Variants in NASP observed in about 807,000 individuals in gnomAD.
NASP encodes nuclear autoantigenic sperm protein.
In NASP, 24 loss-of-function variants were observed where a neutral mutation model predicts 89.5. The observed-to-expected ratio is 0.27, with a 90% CI of 0.19 to 0.38. NASP has a LOEUF of 0.38. Ranked by LOEUF, NASP falls within the 10% of genes least tolerant of loss-of-function variation. NASP has a pLI of 1.00. For synonymous variants in NASP, 306 were observed against 324.7 expected, an observed-to-expected ratio of 0.94 and a Z score of 0.62; for missense variants, 848 against 921.4, an observed-to-expected ratio of 0.92 and a Z score of 1.03.
rs1557647876 is a variant in NASP, at chr1:45,587,686, AT to A, written c.59+3482del. ...CATATATATATATATATATATATAT[AT>A]AATTAATTTTTTGGAGAGAGAGTCT... On this transcript the variant is annotated intron_variant, in intron 1 of 14. Coordinates refer to ENST00000350030, the MANE Select transcript of NASP (RefSeq NM_002482.4). 4.2e-3 allele frequency among the ~76,000 whole-genome samples: 462 copies of A among 111,212 alleles called. 50 individuals carry two copies. The highest frequency in any genetic ancestry group is 0.013 in the African/African-American group (368 of 27,930). The allele number at this position is 111,212 out of a possible 152,430, so 73.0% of individuals were successfully genotyped here.
intron 12 of NASP, 81 bp from the exon 13 acceptor site, chr1:45,616,545 T>G: frequency 1.9e-6 from 3 of 1,546,666 alleles, no homozygotes; most frequent in Non-Finnish European, 2.7e-6. Flanking sequence ...ACCTTGTCTC[T>G]GAAAAACTAA....
chr1:45,603,766 C>T (rs1270769149), intron 3 of NASP, among the ~76,000 whole-genome samples: 6 of 152,132 alleles, frequency 3.9e-5, no homozygotes, highest in Middle Eastern at 3.4e-3. Flanking sequence ...TGCATCACCA[C>T]GCCTGCCTAA....
chr1:45,615,808 A>G lies in NASP; in HGVS notation c.2022+337A>G, dbSNP rs550348283. On this transcript the variant is annotated intron_variant, in intron 11 of 14. Transcript: ENST00000350030. ...TTTTGGATTTTGGAATATTTGCATC[A>G]TACTCAACAGTTGGATACCCTTAAT... The G allele has an allele frequency of 8.3e-4, 197 of 237,024 alleles. 7 individuals are homozygous for G. The South Asian group carries it at 0.015, about 18-fold the overall frequency. The allele number at this position is 237,024 out of a possible 1,614,324, so 14.7% of individuals were successfully genotyped here. A position where few individuals can be genotyped will look rare whatever the true frequency, so the allele number is the denominator to read the frequency against.
Position 45,618,082 on chromosome 1 carries a change from C to CG in NASP, c.2311dup (p.Ala771GlyfsTer14). The CG allele has an allele frequency of 6.2e-7, 1 of 1,602,720 alleles. No individual in the cohort carries two copies. The highest frequency in any genetic ancestry group is 1.7e-5 in the Admixed American group (1 of 58,622). ...CCAGGCTGAGAATCAGGCTGAAAGC[C>CG]GGGCAGCAGTGGAGGGGACAGTGGA... On this transcript the variant is annotated frameshift_variant, in exon 15 of 15. Coordinates refer to ENST00000350030, the MANE Select transcript of NASP (RefSeq NM_002482.4). LOFTEE classifies it high-confidence loss of function.
At chr1:45,584,787 T>C (rs1320297219) in intron 1 of NASP, among the ~76,000 whole-genome samples, 1 of 152,142 alleles carries the variant, frequency 6.6e-6, no homozygotes, top group Non-Finnish European at 1.5e-5. Context: ...AACTCCATTG[T>C]TTGGGGCCGC....
intron 1 of NASP, among the ~76,000 whole-genome samples, chr1:45,584,424 C>T (rs1205940184): frequency 6.6e-6 from 1 of 152,222 alleles, no homozygotes; most frequent in Non-Finnish European, 1.5e-5. Context: ...CCCTGCCCCG[C>T]TTTTCGCGGC....
At chr1:45,591,826 G>T (rs970538039) in intron 2 of NASP, among the ~76,000 whole-genome samples, 1 of 151,998 alleles carries the variant, frequency 6.6e-6, no homozygotes, top group African/African-American at 2.4e-5. Context: ...GAGATTTCTT[G>T]TTTCATTTTT....
chr1:45,592,186 T>C (rs1419388748), intron 2 of NASP, among the ~76,000 whole-genome samples: 4 of 152,222 alleles, frequency 2.6e-5, no homozygotes. Context: ...GGTTTCACCA[T>C]GTTGGCCAGG....
At chr1:45,616,785 G>T in intron 13 of NASP, 82 bp downstream of exon 13, 1 of 1,281,808 alleles carries the variant, frequency 7.8e-7, no homozygotes, top group Non-Finnish European at 1.1e-6. Flanking sequence ...CCTCCCTATA[G>T]TTGGTGCATA....
chr1:45,588,463 T>A (rs551195714), intron 1 of NASP, among the ~76,000 whole-genome samples: 39 of 152,224 alleles, frequency 2.6e-4, no homozygotes, highest in African/African-American at 8.4e-4. Flanking sequence ...TTTTGCTGCT[T>A]AGCCTGGTCT....
intron 9 of NASP, 134 bp downstream of exon 9, chr1:45,614,500 A>T (rs1326774047): frequency 1.4e-6 from 1 of 710,378 alleles, no homozygotes. Context: ...AACAATGAAC[A>T]GTCTCTTCCA....
At chr1:45,611,141 G>A (rs904865730) in intron 6 of NASP, 1 of 152,182 alleles carries the variant, frequency 6.6e-6, no homozygotes, top group African/African-American at 2.4e-5. Context: ...ATGCAGAAAA[G>A]CTGAAGTAGA....
At chr1:45,606,812 T>C (rs1338526219) in intron 5 of NASP, 2 of 423,634 alleles carry the variant, frequency 4.7e-6, no homozygotes, top group Non-Finnish European at 8.4e-6. Context: ...AATCCAGTTA[T>C]TTCGATTGGG....
chr1:45,596,927 G>T (rs927507973), intron 2 of NASP, among the ~76,000 whole-genome samples: 2 of 152,080 alleles, frequency 1.3e-5, no homozygotes, highest in Admixed American at 6.6e-5. Context: ...AGGTTGCAGT[G>T]AGCTGAGATC....
chr1:45,613,030 TC>T, intron 6 of NASP, 138 bp from the exon 7 acceptor site: 1 of 1,221,018 alleles, frequency 8.2e-7, no homozygotes, highest in Non-Finnish European at 1.1e-6. Flanking sequence ...GACGATATAT[TC>T]AGTTCAGGTG....
Position 45,584,095 on chromosome 1 carries a change from G to A in NASP, c.-52G>A. The A allele has an allele frequency of 2.0e-6, 3 of 1,522,728 alleles. No homozygotes were observed. The South Asian group carries it at 3.6e-5, about 18-fold the overall frequency. 94.3% of individuals were successfully genotyped at this position (1,522,728 alleles called of 1,614,324 possible). ...GAGTCTCTGGCGTCCCAAATTGCCT[G>A]TTTTTCTCGCAGGCTCTATTCCGTT... On this transcript the variant is annotated 5_prime_UTR_variant, in exon 1 of 15. Coordinates refer to ENST00000350030, the MANE Select transcript of NASP (RefSeq NM_002482.4).
chr1:45,598,344 A>G (rs183061765), intron 2 of NASP, among the ~76,000 whole-genome samples: 1 of 152,092 alleles, frequency 6.6e-6, no homozygotes, highest in Non-Finnish European at 1.5e-5. Flanking sequence ...CTAATTTTGT[A>G]TTTTTAGTAG....
chr1:45,598,106 A>G (rs910578700), intron 2 of NASP, among the ~76,000 whole-genome samples: 7 of 151,664 alleles, frequency 4.6e-5, no homozygotes, highest in Admixed American at 2.0e-4. Flanking sequence ...TTACTCTAGT[A>G]GTCATTTCTC....
rs746521580 is a variant in NASP at position 45,607,491 on chromosome 1, G to T, written c.580G>T (p.Glu194Ter). 6.2e-6 allele frequency: 10 copies of T among 1,613,768 alleles called. No individual in the cohort carries two copies. The highest frequency in any genetic ancestry group is 7.6e-6 in the Non-Finnish European group (9 of 1,179,974). ...EDMDISKSAE[E>*]PQEKVDLTLD... ...TATGGATATAAGTAAATCTGCAGAG[G>T]AGCCACAGGAAAAAGTTGACTTGAC... The change falls in exon 6 of 15, where the codon GAG becomes TAG. Residue 194 changes from glutamate to a stop codon, truncating the protein, a stop_gained. Transcript: ENST00000350030. LOFTEE classifies it high-confidence loss of function.
Sources: allele counts gnomAD v4.1 joint callset (sites outside exome capture counted in the v4.1 genomes callset), GRCh38; gene constraint gnomAD v4.1.1; transcripts MANE v1.5; gene names NCBI Gene and HGNC (gene_info 2026-07-23, HGNC 2026-07-21).